The following MS4A4E variants were observed in gnomAD, a reference collection of about 807,000 sequenced individuals.
The protein encoded by MS4A4E is membrane spanning 4-domains A4E, also known as putative membrane-spanning 4-domains subfamily A member 4E.
Under a neutral mutation model 13.3 loss-of-function variants are expected in MS4A4E, and 23 were observed. The observed-to-expected ratio is 1.73, with a 90% confidence interval of 1.25 to 2.45. The LOEUF is 2.45. Ranked by LOEUF, MS4A4E falls within the 30% of genes most tolerant of loss-of-function variation. The probability of loss-of-function intolerance (pLI) is 0.00; values close to 1 mark genes in which losing one functional copy is unlikely to be tolerated. For synonymous variants in MS4A4E, 36 were observed against 45.6 expected, an observed-to-expected ratio of 0.79 and a Z score of 0.85; for missense variants, 144 against 131.2, an observed-to-expected ratio of 1.10 and a Z score of -0.48.
chr11:60,211,678 C>T (rs138788954), intron 5 of MS4A4E, among the ~76,000 whole-genome samples: 7,127 of 152,200 alleles, frequency 0.047, 242 homozygotes, highest in Non-Finnish European at 0.063. Flanking sequence ...TTTAGGAGGC[C>T]GAGGTGGGTG....
At chr11:60,234,898 TCTATATG>T (rs2084463826) in intron 1 of MS4A4E, among the ~76,000 whole-genome samples, 1 of 141,496 alleles carries the variant, frequency 7.1e-6, no homozygotes, top group Admixed American at 7.5e-5. Context: ...AAAAAACAGA[TCTATATG>T]CTATAAGAGT....
At chr11:60,224,328 CA>C (rs2084314512) in intron 3 of MS4A4E, among the ~76,000 whole-genome samples, 1 of 152,128 alleles carries the variant, frequency 6.6e-6, no homozygotes, top group South Asian at 2.1e-4. Flanking sequence ...TCTAAGGTAA[CA>C]ATTTCCTGAG....
intron 6 of MS4A4E, among the ~76,000 whole-genome samples, chr11:60,207,603 C>A (rs2084064442): frequency 6.6e-6 from 1 of 152,164 alleles, no homozygotes; most frequent in Admixed American, 6.5e-5. Context: ...GAGAAACAAT[C>A]TCCTCAAACT....
In MS4A4E at chr11:60,214,613, T is replaced by C. The variant is rs1214779402; in HGVS notation, c.180A>G (p.Val60=). 6.6e-7 allele frequency: 1 copy of C among 1,524,096 alleles called. No homozygotes were observed. The highest frequency in any genetic ancestry group is 8.8e-7 in the Non-Finnish European group (1 of 1,140,110). The allele number at this position is 1,524,096 out of a possible 1,614,324, so 94.4% of individuals were successfully genotyped here. Residue 60 remains valine (V), a splice_region_variant and synonymous_variant, in exon 4 of 9, where the codon GTA becomes GTG. Coordinates refer to ENST00000651255, the MANE Select transcript of MS4A4E (RefSeq NM_001393391.1). ...LCGHKFSTHS[V]SLSVAAGIRT... ...TAATTCCTGCTGCAACTGATAAGGA[T>C]ACTGAAATAATAAAATAAGAATGAG...
chr11:60,222,716 C>T (rs2084285622), intron 3 of MS4A4E, among the ~76,000 whole-genome samples: 1 of 152,076 alleles, frequency 6.6e-6, no homozygotes, highest in African/African-American at 2.4e-5. Context: ...AGGAACGTTG[C>T]CACCGGGAGA....
At chr11:60,241,506 T>C (rs2084551162) in intron 1 of MS4A4E, among the ~76,000 whole-genome samples, 1 of 152,220 alleles carries the variant, frequency 6.6e-6, no homozygotes, top group Non-Finnish European at 1.5e-5. Context: ...TTAAGGCTTA[T>C]AATTGACTCT....
chr11:60,208,296 T>C (rs1043866159), intron 6 of MS4A4E, among the ~76,000 whole-genome samples: 4 of 152,204 alleles, frequency 2.6e-5, no homozygotes, highest in South Asian at 2.1e-4. Context: ...GCTCTCCTGC[T>C]GGTCTCAAAG....
chr11:60,208,576 T>C lies in MS4A4E; in HGVS notation c.483+17A>G. ...CAAAAGTAATACAGATACCTTCAAA[T>C]GAAGGCCAATACTGACCTCACTGGG... On this transcript the variant is annotated intron_variant, in intron 6 of 8. Transcript: ENST00000651255. 1 of 945,242 alleles carries C rather than the reference T, an allele frequency of 1.1e-6. No homozygotes were observed. Among genetic ancestry groups the C allele is most frequent in the Non-Finnish European group, 1.6e-6 (1 of 610,914 alleles). The allele number at this position is 945,242 out of a possible 1,614,324, so 58.6% of individuals were successfully genotyped here.
rs1206432405 is a variant in MS4A4E at position 60,200,990 on chromosome 11, C to T, written c.*553G>A. 3.3e-5 allele frequency among the ~76,000 whole-genome samples: 5 copies of T among 149,688 alleles called. No individual in the cohort carries two copies. The highest frequency in any genetic ancestry group is 7.4e-5 in the African/African-American group (3 of 40,502). On this transcript the variant is annotated 3_prime_UTR_variant, in exon 9 of 9. Coordinates refer to ENST00000651255, the MANE Select transcript of MS4A4E (RefSeq NM_001393391.1). Reference sequence around the variant, plus strand: ...GGGGCTGAACCCCCCACCTCCCTCCCGGACGGGGCGGCTGGCCGGGCAGAG... The same window carrying T: ...GGGGCTGAACCCCCCACCTCCCTCCTGGACGGGGCGGCTGGCCGGGCAGAG...
intron 3 of MS4A4E, among the ~76,000 whole-genome samples, chr11:60,221,030 T>G (rs1320783380): frequency 6.6e-6 from 1 of 152,322 alleles, no homozygotes; most frequent in Admixed American, 6.5e-5. Context: ...AGAGGGATGC[T>G]GTTAGGAGCC....
intron 8 of MS4A4E, among the ~76,000 whole-genome samples, chr11:60,204,259 T>G (rs2084014779): frequency 6.6e-6 from 1 of 152,230 alleles, no homozygotes; most frequent in Admixed American, 6.5e-5. Flanking sequence ...TGCCCAGTTA[T>G]AGCAGTTAAT....
At chr11:60,211,432 A>G (rs1474301844) in intron 5 of MS4A4E, among the ~76,000 whole-genome samples, 1 of 152,230 alleles carries the variant, frequency 6.6e-6, no homozygotes, top group Non-Finnish European at 1.5e-5. Context: ...TTAGCTAGAA[A>G]TGAAGTAAAC....
At chr11:60,224,284 A>G (rs1050869814) in intron 3 of MS4A4E, among the ~76,000 whole-genome samples, 2 of 152,216 alleles carry the variant, frequency 1.3e-5, no homozygotes, top group South Asian at 4.1e-4. Flanking sequence ...TATTAAACTT[A>G]TGAAACAAAA....
chr11:60,209,123 G>T (rs2084087432), intron 5 of MS4A4E: 1 of 152,264 alleles, frequency 6.6e-6, no homozygotes, highest in South Asian at 2.1e-4. Context: ...CAGCTTCTGG[G>T]GATTTGAATG....
At chr11:60,214,317 C>T (rs2084162578) in intron 4 of MS4A4E, among the ~76,000 whole-genome samples, 1 of 152,208 alleles carries the variant, frequency 6.6e-6, no homozygotes, top group Admixed American at 6.5e-5. Context: ...GATCCCACTT[C>T]ATATTTGTTC....
At chr11:60,204,369 C>G (rs1255133438) in intron 8 of MS4A4E, among the ~76,000 whole-genome samples, 1 of 126,718 alleles carries the variant, frequency 7.9e-6, no homozygotes, top group Non-Finnish European at 1.7e-5. Context: ...GGGTCTGATC[C>G]TTCACTTGGC....
chr11:60,225,935 G>C (rs531551032), intron 3 of MS4A4E, among the ~76,000 whole-genome samples: 3 of 151,694 alleles, frequency 2.0e-5, no homozygotes, highest in African/African-American at 7.2e-5. Flanking sequence ...GAGAAAGAGA[G>C]AGAGGACACA....
intron 3 of MS4A4E, among the ~76,000 whole-genome samples, chr11:60,221,600 G>T (rs949784025): frequency 6.6e-6 from 1 of 152,228 alleles, no homozygotes; most frequent in African/African-American, 2.4e-5. Flanking sequence ...GTCCCAGTGG[G>T]CAGAATGTTG....
At chr11:60,224,992 A>G in intron 3 of MS4A4E, 2 of 1,536,988 alleles carry the variant, frequency 1.3e-6, no homozygotes, top group Non-Finnish European at 1.7e-6. Context: ...TTGTGTACGC[A>G]ACATACACAA....
Sources: allele counts gnomAD v4.1 joint callset (sites outside exome capture counted in the v4.1 genomes callset), GRCh38; gene constraint gnomAD v4.1.1; transcripts MANE v1.5; gene names NCBI Gene and HGNC (gene_info 2026-07-23, HGNC 2026-07-21).